The following ZNF267 variants were observed in gnomAD, a reference collection of about 807,000 sequenced individuals.
The protein encoded by ZNF267 is zinc finger (C2H2).
ZNF267 carries 61 observed loss-of-function variants against 71.6 expected under a neutral mutation model. The ratio of observed to expected loss-of-function variants is 0.85; its 90% CI spans 0.69 to 1.05. The LOEUF (loss-of-function observed/expected upper bound fraction) is 1.05. ZNF267 is among the 50% of genes least tolerant of loss of function. The pLI, the probability that ZNF267 is intolerant of heterozygous loss-of-function variation, is 0.00. For missense variants in ZNF267, 852 were observed against 870.0 expected (o/e 0.98, Z 0.26); for synonymous variants, 288 against 293.2 (o/e 0.98, Z 0.18).
rs536248343 is a variant in ZNF267, at chr16:31,877,181, C to T, written c.3+3212C>T. Among the ~76,000 whole-genome samples, 8 of 152,134 alleles carry T rather than the reference C, an allele frequency of 5.3e-5. No homozygotes were observed. In the South Asian group the frequency reaches 6.2e-4, roughly 12 times the overall value. On this transcript the variant is annotated intron_variant, in intron 1 of 3. Coordinates refer to ENST00000300870, the MANE Select transcript of ZNF267 (RefSeq NM_003414.6). Reference sequence around the variant, plus strand: ...CCCTGTGTTTTCCTAATGTGTGGCACGCAGAGTCTCAAATCTACCACTGTG... The same window carrying T: ...CCCTGTGTTTTCCTAATGTGTGGCATGCAGAGTCTCAAATCTACCACTGTG...
chr16:31,896,071 G>A (rs749199285), intron 3 of ZNF267, among the ~76,000 whole-genome samples: 2 of 152,154 alleles, frequency 1.3e-5, no homozygotes, highest in Non-Finnish European at 2.9e-5. Context: ...GAGTGAAGTA[G>A]CATGATCATA....
At chr16:31,906,030 T>G (rs1305711108) in intron 3 of ZNF267, among the ~76,000 whole-genome samples, 2 of 152,348 alleles carry the variant, frequency 1.3e-5, no homozygotes, top group East Asian at 1.9e-4. Context: ...CAGGTCTGTT[T>G]GAGTTTGCTG....
At chr16:31,908,478 A>G (rs933170746) in intron 3 of ZNF267, among the ~76,000 whole-genome samples, 4 of 152,176 alleles carry the variant, frequency 2.6e-5, no homozygotes, top group African/African-American at 9.7e-5. Context: ...TTTTACACCA[A>G]CCATTGTCCT....
chr16:31,892,423 CT>C (rs1295895115), intron 3 of ZNF267, among the ~76,000 whole-genome samples: 5 of 152,170 alleles, frequency 3.3e-5, no homozygotes, highest in African/African-American at 7.2e-5. Flanking sequence ...CATTCCGCCC[CT>C]GGCCTCTCCC....
In ZNF267 at chr16:31,873,821, T is replaced by C. The variant is rs539780095; in HGVS notation, c.-146T>C. 49 of 1,118,342 alleles carry C rather than the reference T, an allele frequency of 4.4e-5. 1 individual carries two copies. In the East Asian group the frequency reaches 1.2e-3, roughly 27 times the overall value. 69.3% of individuals were successfully genotyped at this position (1,118,342 alleles called of 1,614,324 possible). A position where few individuals can be genotyped will look rare whatever the true frequency, so the allele number is the denominator to read the frequency against. On this transcript the variant is annotated 5_prime_UTR_variant, in exon 1 of 4. Coordinates refer to ENST00000300870, the MANE Select transcript of ZNF267 (RefSeq NM_003414.6). ...TCGTCGGCTCCAGTTAGAGCTCGGG[T>C]CTCCTCGCCACAGCTCCGAGTCTTT...
chr16:31,881,209 C>G (rs2083887719), intron 1 of ZNF267, among the ~76,000 whole-genome samples: 1 of 152,154 alleles, frequency 6.6e-6, no homozygotes, highest in Non-Finnish European at 1.5e-5. Context: ...ACTATTTAAA[C>G]AAGGCAAACC....
chr16:31,876,497 G>T (rs1000247034), intron 1 of ZNF267, among the ~76,000 whole-genome samples: 2 of 152,250 alleles, frequency 1.3e-5, no homozygotes, highest in Non-Finnish European at 2.9e-5. Context: ...GGGATAACAG[G>T]CATGAGCCAC....
At chr16:31,907,528 G>C (rs185935734) in intron 3 of ZNF267, among the ~76,000 whole-genome samples, 1 of 151,958 alleles carries the variant, frequency 6.6e-6, no homozygotes, top group Non-Finnish European at 1.5e-5. Flanking sequence ...GTTTTTATAG[G>C]TTTAATCTCT....
Position 31,914,753 on chromosome 16 carries a change from C to G in ZNF267, c.504C>G (p.Val168=). Residue 168 remains valine (V), a synonymous_variant, in exon 4 of 4, where the codon GTC becomes GTG. Coordinates refer to ENST00000300870, the MANE Select transcript of ZNF267 (RefSeq NM_003414.6). ...ATAACTTTGATCAATATAGGAAGGTCTTTACTCATTCATCATTGCTTAATC... is the reference window on the plus strand; with the variant it reads ...ATAACTTTGATCAATATAGGAAGGTGTTTACTCATTCATCATTGCTTAATC... The part of the protein sequence containing the change: ...KSYNFDQYRK[V]FTHSSLLNQQ... 2 of 1,613,930 alleles carry G rather than the reference C, an allele frequency of 1.2e-6. No individual in the cohort carries two copies. Among genetic ancestry groups the G allele is most frequent in the Non-Finnish European group, 1.7e-6 (2 of 1,179,956 alleles).
intron 3 of ZNF267, among the ~76,000 whole-genome samples, chr16:31,910,585 A>G (rs1183523406): frequency 1.3e-5 from 2 of 151,524 alleles, no homozygotes; most frequent in African/African-American, 4.9e-5. Flanking sequence ...CTGCAGTGTC[A>G]GTTATAATGT....
rs140571926 is a variant in ZNF267, at chr16:31,897,103, A to G, written c.226+11847A>G. 4.5e-3 allele frequency among the ~76,000 whole-genome samples: 684 copies of G among 151,588 alleles called. 1 individual carries two copies. Among genetic ancestry groups the G allele is most frequent in the Middle Eastern group, 0.01 (3 of 294 alleles). ...CCTGTTAGAGACAAAAAGATCTTAC[A>G]TTTACAAAACCTGAACACAACACCA... On this transcript the variant is annotated intron_variant, in intron 3 of 3. Transcript: ENST00000300870.
chr16:31,895,026 C>T (rs779955308), intron 3 of ZNF267: 29 of 284,786 alleles, frequency 1.0e-4, no homozygotes, highest in Middle Eastern at 2.7e-3. Context: ...GAAGGGGAGC[C>T]GGACCCATGG....
At chr16:31,899,893 A>G (rs935820275) in intron 3 of ZNF267, among the ~76,000 whole-genome samples, 2 of 152,202 alleles carry the variant, frequency 1.3e-5, no homozygotes, top group African/African-American at 4.8e-5. Flanking sequence ...ACAAAAATGA[A>G]TCAAGAAGTA....
Position 31,884,593 on chromosome 16 carries a change from G to T in ZNF267, c.99G>T (p.Met33Ile). 6.2e-7 allele frequency: 1 copy of T among 1,614,110 alleles called. No homozygotes were observed. The highest frequency in any genetic ancestry group is 8.5e-7 in the Non-Finnish European group (1 of 1,179,994). Residue 33 changes from methionine (M) to isoleucine (I), a missense_variant, in exon 2 of 4, where the codon ATG becomes ATT. Physicochemically the swap from Met to Ile is conservative, Grantham distance 10. Coordinates refer to ENST00000300870, the MANE Select transcript of ZNF267 (RefSeq NM_003414.6). ...PAQKNLYQDV[M>I]LENYRNLVSL... ...AGAAGAATTTGTATCAGGATGTGAT[G>T]TTAGAAAACTACAGAAACCTGGTCT...
chr16:31,915,214 A>G lies in ZNF267; in HGVS notation c.965A>G (p.Tyr322Cys), dbSNP rs1244932323. 6.2e-7 allele frequency: 1 copy of G among 1,613,878 alleles called. No individual in the cohort carries two copies. The highest frequency in any genetic ancestry group is 1.7e-5 in the Admixed American group (1 of 60,014). The change falls in exon 4 of 4, where the codon TAC (tyrosine) becomes TGC (cysteine). Residue 322 changes from tyrosine (Y) to cysteine (C), a missense_variant. Coordinates refer to ENST00000300870, the MANE Select transcript of ZNF267 (RefSeq NM_003414.6). ...KQIIHNEEKPYKCEKCGDSLN... is the reference protein window; with the variant it reads ...KQIIHNEEKPCKCEKCGDSLN... ...ATAATCCATAATGAAGAGAAACCAT[A>G]CAAATGTGAAAAATGTGGGGATAGC... is the stretch of plus-strand genomic sequence containing the variant.
chr16:31,895,209 G>T (rs2083989548), intron 3 of ZNF267, among the ~76,000 whole-genome samples: 1 of 152,242 alleles, frequency 6.6e-6, no homozygotes, highest in Non-Finnish European at 1.5e-5. Context: ...GACATTGGTA[G>T]ACAAAGTATT....
chr16:31,904,740 AT>A (rs1406541752), intron 3 of ZNF267, among the ~76,000 whole-genome samples: 11 of 152,094 alleles, frequency 7.2e-5, no homozygotes, highest in Non-Finnish European at 1.2e-4. Context: ...TCTTTATCCA[AT>A]TTGCCAGTCT....
chr16:31,916,615 AT>A lies in ZNF267; in HGVS notation c.*135del. On this transcript the variant is annotated 3_prime_UTR_variant, in exon 4 of 4. Coordinates refer to ENST00000300870, the MANE Select transcript of ZNF267 (RefSeq NM_003414.6). ...TTTAACTATTTTCAAGCCTTACACA[AT>A]AGCAGAGAATATAAACTGAAAAAAT... The A allele has an allele frequency of 1.1e-6, 1 of 875,274 alleles. No homozygotes were observed. The highest frequency in any genetic ancestry group is 1.7e-6 in the Non-Finnish European group (1 of 588,778). The allele number at this position is 875,274 out of a possible 1,614,324, so 54.2% of individuals were successfully genotyped here. A position where few individuals can be genotyped will look rare whatever the true frequency, so the allele number is the denominator to read the frequency against.
intron 3 of ZNF267, among the ~76,000 whole-genome samples, chr16:31,901,624 C>T (rs2084042038): frequency 6.6e-6 from 1 of 152,088 alleles, no homozygotes; most frequent in Non-Finnish European, 1.5e-5. Flanking sequence ...TCATATCCTT[C>T]ACCCACTTTT....
Sources: allele counts gnomAD v4.1 joint callset (sites outside exome capture counted in the v4.1 genomes callset), GRCh38; gene constraint gnomAD v4.1.1; transcripts MANE v1.5; gene names NCBI Gene and HGNC (gene_info 2026-07-23, HGNC 2026-07-21).